Variants in RERE observed in about 807,000 individuals in gnomAD.
RERE encodes arginine-glutamic acid dipeptide repeats.
A neutral mutation model predicts 146.1 loss-of-function variants in RERE; 40 were observed. The observed-to-expected ratio is 0.27, with a 90% CI of 0.21 to 0.36. The LOEUF is 0.36. RERE is among the 10% of genes least tolerant of loss of function. The pLI is 1.00. For missense variants in RERE, 1,933 were observed against 2,138.7 expected (o/e 0.90, Z 1.90); for synonymous variants, 1,003 against 866.0 (o/e 1.16, Z -2.78).
intron 7 of RERE, among the ~76,000 whole-genome samples, chr1:8,512,084 A>T (rs967403592): frequency 5.8e-5 from 7 of 120,874 alleles, no homozygotes; most frequent in Non-Finnish European, 9.7e-5. Context: ...CGGACTGCAG[A>T]CTGCAGTGGC....
chr1:8,656,026 G>T lies in RERE; in HGVS notation c.272C>A (p.Thr91Asn), dbSNP rs762895746. 3.1e-6 allele frequency: 5 copies of T among 1,614,048 alleles called. No homozygotes were observed. In the South Asian group the frequency reaches 3.3e-5, roughly 11 times the overall value. ...KKKSRYERTD[T>N]GEITSYITED... ...AGTGATGTAGGATGTTATCTCACCGGTATCTGTCCTTTCATAACGAGACTT... is the reference window on the plus strand; with the variant it reads ...AGTGATGTAGGATGTTATCTCACCGTTATCTGTCCTTTCATAACGAGACTT... The change falls in exon 2 of 23, where the codon ACC (threonine) becomes AAC (asparagine). Residue 91 changes from threonine to asparagine, a missense_variant. Physicochemically the swap from Thr to Asn is moderately conservative, Grantham distance 65. This residue lies in a region of RERE where 107 missense variants were observed against 119.7 expected (regional missense o/e 0.89). Coordinates refer to ENST00000400908, the MANE Select transcript of RERE (RefSeq NM_001042681.2).
intron 1 of RERE, among the ~76,000 whole-genome samples, chr1:8,777,736 C>T (rs373291996): frequency 1.3e-5 from 2 of 151,742 alleles, no homozygotes; most frequent in South Asian, 2.1e-4. Context: ...GTGGTTTCAC[C>T]GCATTAGCCA....
At chr1:8,573,374 A>C (rs1249984886) in intron 4 of RERE, among the ~76,000 whole-genome samples, 1 of 148,716 alleles carries the variant, frequency 6.7e-6, no homozygotes, top group African/African-American at 2.5e-5. Context: ...ATTATTTTGC[A>C]TGTTTTTATA....
intron 4 of RERE, among the ~76,000 whole-genome samples, chr1:8,609,110 C>T (rs1168816887): frequency 1.3e-5 from 2 of 151,712 alleles, no homozygotes; most frequent in African/African-American, 2.4e-5. Context: ...CTCAGCTACT[C>T]AGGAGGCTGA....
At chr1:8,681,457 T>TCTAAAGC (rs1471785369) in intron 1 of RERE, among the ~76,000 whole-genome samples, 3 of 152,320 alleles carry the variant, frequency 2.0e-5, no homozygotes, top group African/African-American at 7.2e-5. Context: ...ATCGTAAATA[T>TCTAAAGC]TTGACTTTAG....
At chr1:8,436,537 T>A (rs1402621087) in intron 11 of RERE, among the ~76,000 whole-genome samples, 1 of 152,140 alleles carries the variant, frequency 6.6e-6, no homozygotes, top group African/African-American at 2.4e-5. Flanking sequence ...AAAAGAAATG[T>A]GGATTGTCTA....
chr1:8,372,036 T>C (rs1642056323), intron 12 of RERE, among the ~76,000 whole-genome samples: 1 of 152,236 alleles, frequency 6.6e-6, no homozygotes, highest in Admixed American at 6.5e-5. Flanking sequence ...GGCAGTGGAA[T>C]GCTACGGGAA....
rs769801705 is a variant in RERE, at chr1:8,624,299, A to G, written c.396+11T>C. ...ACAGAGCAGAGTGAACAGCACATTA[A>G]AAACGCTTACCAGTTTGAAGTCTTG... On this transcript the variant is annotated intron_variant, in intron 3 of 22. Coordinates refer to ENST00000400908, the MANE Select transcript of RERE (RefSeq NM_001042681.2). The G allele has an allele frequency of 6.2e-7, 1 of 1,603,028 alleles. No individual in the cohort carries two copies. The highest frequency in any genetic ancestry group is 8.5e-7 in the Non-Finnish European group (1 of 1,171,758).
intron 11 of RERE, among the ~76,000 whole-genome samples, chr1:8,426,799 T>C (rs942074995): frequency 6.6e-6 from 1 of 152,136 alleles, no homozygotes; most frequent in African/African-American, 2.4e-5. Context: ...GGGACCTCTG[T>C]CTCAACTCCA....
At chr1:8,385,794 C>T (rs71641048) in intron 12 of RERE, among the ~76,000 whole-genome samples, 1 of 148,182 alleles carries the variant, frequency 6.7e-6, no homozygotes, top group Non-Finnish European at 1.5e-5. Context: ...AACCCCATCT[C>T]TACTAAAAAT....
At chr1:8,522,907 C>A (rs557670389) in intron 7 of RERE, among the ~76,000 whole-genome samples, 1 of 151,282 alleles carries the variant, frequency 6.6e-6, no homozygotes, top group Non-Finnish European at 1.5e-5. Flanking sequence ...TCAGGCCAGG[C>A]ACGCTGGCCT....
intron 10 of RERE, among the ~76,000 whole-genome samples, chr1:8,471,969 G>A (rs1405589557): frequency 1.3e-5 from 2 of 152,072 alleles, no homozygotes; most frequent in African/African-American, 2.4e-5. Flanking sequence ...ACGTCACCAC[G>A]CCCGGCTAAT....
chr1:8,811,221 C>T, intron 1 of RERE, among the ~76,000 whole-genome samples: 1 of 152,146 alleles, frequency 6.6e-6, no homozygotes, highest in South Asian at 2.1e-4. Context: ...TCTGCTCACA[C>T]TCCCCCTGAA....
intron 1 of RERE, among the ~76,000 whole-genome samples, chr1:8,675,495 C>CAAA (rs56912804): frequency 0.037 from 3,302 of 90,084 alleles, 75 homozygotes; most frequent in Non-Finnish European, 0.048. Context: ...CCCATCTCTA[C>CAAA]AAAAAAAAAA....
intron 3 of RERE, among the ~76,000 whole-genome samples, chr1:8,618,172 T>C (rs1305549724): frequency 6.6e-6 from 1 of 152,222 alleles, no homozygotes; most frequent in Non-Finnish European, 1.5e-5. Context: ...AGCATAAACC[T>C]AAGGTACCAA....
intron 11 of RERE, chr1:8,425,890 T>A (rs1473505086): frequency 6.6e-6 from 1 of 152,122 alleles, no homozygotes; most frequent in African/African-American, 2.4e-5. Context: ...TATATATTAA[T>A]TCGAAATCTT....
intron 12 of RERE, among the ~76,000 whole-genome samples, chr1:8,370,730 G>A (rs72864290): frequency 2.0e-5 from 3 of 152,140 alleles, no homozygotes; most frequent in Non-Finnish European, 2.9e-5. Context: ...GCAGCTAGAG[G>A]CCTCGCCAGG....
intron 1 of RERE, among the ~76,000 whole-genome samples, chr1:8,775,743 T>C (rs1641051635): frequency 6.6e-6 from 1 of 152,238 alleles, no homozygotes; most frequent in African/African-American, 2.4e-5. Flanking sequence ...ACACATGGTG[T>C]GTGTTTGATA....
intron 1 of RERE, among the ~76,000 whole-genome samples, chr1:8,705,687 T>C (rs1639543391): frequency 6.6e-6 from 1 of 152,206 alleles, no homozygotes; most frequent in Admixed American, 6.5e-5. Context: ...TGTAGATTTA[T>C]GTCAGGTACA....
Sources: gnomAD v4.1 joint callset for allele counts (sites outside exome capture counted in the v4.1 genomes callset) on GRCh38, gnomAD v4.1.1 for gene constraint, gnomAD v4.1.1 regional missense constraint, MANE v1.5 for transcripts, NCBI Gene and HGNC (gene_info 2026-07-23, HGNC 2026-07-21) for gene names.